ATG10: variants seen among roughly 807,000 people sequenced by gnomAD.
The protein encoded by ATG10 is ubiquitin-like-conjugating enzyme ATG10.
ATG10 carries 30 observed loss-of-function variants against 32.1 expected under a neutral mutation model. That is an observed-to-expected ratio of 0.94 (90% CI 0.70 to 1.27). ATG10 has a LOEUF of 1.27. ATG10 is among the 50% of genes most tolerant of loss of function. The pLI is 0.00. For missense variants in ATG10, 233 were observed against 262.3 expected (o/e 0.89, Z 0.77); for synonymous variants, 87 against 91.5 (o/e 0.95, Z 0.28).
chr5:81,997,500 A>C (rs1465779955), intron 2 of ATG10, among the ~76,000 whole-genome samples: 3 of 152,246 alleles, frequency 2.0e-5, no homozygotes, highest in Non-Finnish European at 4.4e-5. Flanking sequence ...TCTTACCTCC[A>C]AACAACTGCA....
At position 81,976,539 on chromosome 5, in the gene ATG10, A is replaced by G. The variant is rs558006289; in HGVS notation, c.-13+4233A>G. ...GGAAAATGAAACTTTAGCTTAACCAATCAGAAACCATCAACTAACCTCTAA... is the reference window on the plus strand; with the variant it reads ...GGAAAATGAAACTTTAGCTTAACCAGTCAGAAACCATCAACTAACCTCTAA... On this transcript the variant is annotated intron_variant, in intron 1 of 7. Transcript: ENST00000282185. 7.2e-5 allele frequency among the ~76,000 whole-genome samples: 11 copies of G among 152,320 alleles called. No individual in the cohort carries two copies. In the South Asian group the frequency reaches 1.7e-3, roughly 23 times the overall value.
At chr5:82,083,286 G>A (rs1483776566) in intron 3 of ATG10, among the ~76,000 whole-genome samples, 1 of 152,150 alleles carries the variant, frequency 6.6e-6, no homozygotes, top group Non-Finnish European at 1.5e-5. Flanking sequence ...CTGGGGGAGG[G>A]GCATCCACCA....
intron 3 of ATG10, among the ~76,000 whole-genome samples, chr5:82,093,887 C>T (rs1764967381): frequency 6.6e-6 from 1 of 152,164 alleles, no homozygotes; most frequent in African/African-American, 2.4e-5. Flanking sequence ...AGGCAAAGCT[C>T]TTCTGAGGAC....
chr5:82,155,539 A>G (rs1276865572), intron 3 of ATG10, among the ~76,000 whole-genome samples: 1 of 152,204 alleles, frequency 6.6e-6, no homozygotes, highest in East Asian at 1.9e-4. Context: ...GCAGCTGCAG[A>G]GACCTATGGC....
chr5:81,989,552 T>A (rs1198499721), intron 2 of ATG10, among the ~76,000 whole-genome samples: 1 of 152,134 alleles, frequency 6.6e-6, no homozygotes, highest in Non-Finnish European at 1.5e-5. Flanking sequence ...GCAACTTTCA[T>A]TGGTTTTGTT....
chr5:82,115,652 T>C lies in ATG10; in HGVS notation c.217-48747T>C, dbSNP rs1156873970. Among the ~76,000 whole-genome samples, 3 of 152,000 alleles carry C rather than the reference T, an allele frequency of 2.0e-5. No homozygotes were observed. In the East Asian group the frequency reaches 5.8e-4, roughly 29 times the overall value. On this transcript the variant is annotated intron_variant, in intron 3 of 7. Transcript: ENST00000282185. ...TGTAACATCATACTGTCTCATACTT[T>C]AAACACATAGTTCTACACCCCATCT...
At chr5:82,092,350 T>G (rs1764916799) in intron 3 of ATG10, among the ~76,000 whole-genome samples, 2 of 152,226 alleles carry the variant, frequency 1.3e-5, no homozygotes, top group African/African-American at 4.8e-5. Context: ...TTTTATAGTA[T>G]GAAATGACAA....
rs571046404 is a variant in ATG10, at chr5:82,133,028, T to C, written c.217-31371T>C. On this transcript the variant is annotated intron_variant, in intron 3 of 7. Transcript: ENST00000282185. ...TTTTTTCATATATTTGTTGGCTGAATAAATGTATTCTTTTGAGGAGTGTCT... is the reference window on the plus strand; with the variant it reads ...TTTTTTCATATATTTGTTGGCTGAACAAATGTATTCTTTTGAGGAGTGTCT... Among the ~76,000 whole-genome samples, 134 of 152,308 alleles carry C rather than the reference T, an allele frequency of 8.8e-4. 1 individual carries two copies. The highest frequency in any genetic ancestry group is 2.9e-3 in the African/African-American group (119 of 41,580).
chr5:82,158,505 A>G lies in ATG10; in HGVS notation c.217-5894A>G, dbSNP rs142834682. On this transcript the variant is annotated intron_variant, in intron 3 of 7. Coordinates refer to ENST00000282185, the MANE Select transcript of ATG10 (RefSeq NM_031482.5). Reference sequence around the variant, plus strand: ...TGAGCAATATAGTATAGCTGTTTACATAGCATTTACATTGTATTAAGTATG... The same window carrying G: ...TGAGCAATATAGTATAGCTGTTTACGTAGCATTTACATTGTATTAAGTATG... Among the ~76,000 whole-genome samples, 614 of 152,248 alleles carry G rather than the reference A, an allele frequency of 4.0e-3. 2 individuals carry two copies. Among genetic ancestry groups the G allele is most frequent in the African/African-American group, 0.014 (582 of 41,540 alleles).
intron 3 of ATG10, among the ~76,000 whole-genome samples, chr5:82,084,730 C>T (rs962638744): frequency 1.3e-5 from 2 of 152,258 alleles, no homozygotes; most frequent in African/African-American, 4.8e-5. Flanking sequence ...TCCAGCCAAA[C>T]TAAGCTTCAT....
chr5:82,069,423 C>T (rs1764051405), intron 3 of ATG10, among the ~76,000 whole-genome samples: 1 of 152,070 alleles, frequency 6.6e-6, no homozygotes, highest in African/African-American at 2.4e-5. Flanking sequence ...ACCTGAAATG[C>T]TCACTATGAA....
chr5:82,075,121 T>C (rs552740566), intron 3 of ATG10, among the ~76,000 whole-genome samples: 5 of 152,278 alleles, frequency 3.3e-5, no homozygotes, highest in Admixed American at 2.0e-4. Context: ...CAGAAAGATA[T>C]CATAGGAATG....
chr5:82,075,390 C>A (rs1764243432), intron 3 of ATG10, among the ~76,000 whole-genome samples: 1 of 152,104 alleles, frequency 6.6e-6, no homozygotes, highest in South Asian at 2.1e-4. Flanking sequence ...TGTGTGAAAT[C>A]ATGGGGTTAA....
chr5:82,040,009 G>T (rs1432392328), intron 2 of ATG10, among the ~76,000 whole-genome samples: 1 of 152,120 alleles, frequency 6.6e-6, no homozygotes, highest in East Asian at 1.9e-4. Flanking sequence ...TGGGGTCGTG[G>T]GGCCTGTTTA....
chr5:82,163,279 G>T (rs1230237474), intron 3 of ATG10, among the ~76,000 whole-genome samples: 2 of 151,930 alleles, frequency 1.3e-5, no homozygotes, highest in African/African-American at 4.8e-5. Flanking sequence ...TTAATTGATG[G>T]TGTTTACTGG....
intron 2 of ATG10, among the ~76,000 whole-genome samples, chr5:81,995,343 A>G (rs1761629754): frequency 6.6e-6 from 1 of 152,050 alleles, no homozygotes; most frequent in South Asian, 2.1e-4. Context: ...GGGTGTCGCC[A>G]TGTTGGCCAG....
At chr5:82,026,514 T>C (rs1304175825) in intron 2 of ATG10, among the ~76,000 whole-genome samples, 8 of 152,178 alleles carry the variant, frequency 5.3e-5, no homozygotes, top group African/African-American at 1.9e-4. Flanking sequence ...TGTATAATTA[T>C]TTTTATTGCT....
intron 3 of ATG10, among the ~76,000 whole-genome samples, chr5:82,080,414 GT>G (rs1764435639): frequency 6.6e-6 from 1 of 152,274 alleles, no homozygotes. Flanking sequence ...TGCTTTTGGT[GT>G]TTTAGACATG....
intron 5 of ATG10, among the ~76,000 whole-genome samples, chr5:82,227,123 C>T (rs1392317223): frequency 6.6e-6 from 1 of 152,058 alleles, no homozygotes; most frequent in African/African-American, 2.4e-5. Context: ...TTCAGATCTT[C>T]TATTCCTATA....
Sources: gnomAD v4.1 joint callset for allele counts (sites outside exome capture counted in the v4.1 genomes callset) on GRCh38, gnomAD v4.1.1 for gene constraint, MANE v1.5 for transcripts, NCBI Gene and HGNC (gene_info 2026-07-23, HGNC 2026-07-21) for gene names.